Variants in PTP4A1 observed in about 807,000 individuals in gnomAD.
PTP4A1 encodes the protein protein tyrosine phosphatase 4A1.
Under a neutral mutation model 20.5 loss-of-function variants are expected in PTP4A1, and 9 were observed. That is an observed-to-expected ratio of 0.44 (90% CI 0.26 to 0.77). PTP4A1 has a LOEUF of 0.77. Ranked by LOEUF, PTP4A1 falls within the 30% of genes least tolerant of loss-of-function variation. The probability of loss-of-function intolerance (pLI) is 0.19; values close to 1 mark genes in which losing one functional copy is unlikely to be tolerated. For synonymous variants in PTP4A1, 78 were observed against 67.4 expected (o/e 1.16, Z -0.77); for missense variants, 137 against 218.8 (o/e 0.63, Z 2.36).
At chr6:63,569,366 CCTT>C (rs1304428407), upstream of PTP4A1, among the ~76,000 whole-genome samples, 2 of 152,210 alleles carry the variant, frequency 1.3e-5, no homozygotes, top group African/African-American at 4.8e-5. Context: ...CAGTGATTCT[CCTT>C]CTTCAGCCTC....
chr6:63,535,512 A>G (rs1775679786), intron 2 of PTP4A1, among the ~76,000 whole-genome samples: 1 of 152,228 alleles, frequency 6.6e-6, no homozygotes, highest in African/African-American at 2.4e-5. Flanking sequence ...TCCTTAATTA[A>G]ATGGTGAATA....
intron 3 of PTP4A1, among the ~76,000 whole-genome samples, chr6:63,550,773 C>T (rs993865331): frequency 2.0e-5 from 3 of 151,896 alleles, no homozygotes; most frequent in Admixed American, 2.0e-4. Flanking sequence ...TATAGGCACC[C>T]ACCACCATGC....
chr6:63,580,260 A>C lies in PTP4A1; in HGVS notation c.*86A>C. 9.1e-7 allele frequency: 1 copy of C among 1,094,820 alleles called. No individual in the cohort carries two copies. The highest frequency in any genetic ancestry group is 1.4e-6 in the Non-Finnish European group (1 of 726,066). 67.8% of individuals were successfully genotyped at this position (1,094,820 alleles called of 1,614,324 possible). On this transcript the variant is annotated 3_prime_UTR_variant, in exon 6 of 6. Transcript: ENST00000626021. Reference sequence around the variant, plus strand: ...TATTAGCCAACATGTTGGCTTAGTAAGTCTAATGAAGCTTCCATAGGAGTA... The same window carrying C: ...TATTAGCCAACATGTTGGCTTAGTACGTCTAATGAAGCTTCCATAGGAGTA...
At chr6:63,525,115 T>C (rs1314917506) in intron 1 of PTP4A1, among the ~76,000 whole-genome samples, 2 of 152,344 alleles carry the variant, frequency 1.3e-5, no homozygotes, top group African/African-American at 2.4e-5. Context: ...CAAGGCTGTT[T>C]CAAAGGTGAA....
chr6:63,534,353 G>A (rs1467861105), intron 2 of PTP4A1, among the ~76,000 whole-genome samples: 1 of 151,964 alleles, frequency 6.6e-6, no homozygotes, highest in East Asian at 1.9e-4. Flanking sequence ...TAGGAGCAAT[G>A]GTTCTCTGAG....
In PTP4A1 at chr6:63,579,037, AT is replaced by A. The variant is rs776041470; in HGVS notation, c.329+12del. On this transcript the variant is annotated intron_variant, in intron 4 of 5. Transcript: ENST00000626021. ...GTTGCAGGCCTTGGGAGGTAAATGAATTTATCAATTTGATTCTAGGTAAAAA... is the reference window on the plus strand; with the variant it reads ...GTTGCAGGCCTTGGGAGGTAAATGAATTATCAATTTGATTCTAGGTAAAAA... 6.4e-7 allele frequency: 1 copy of A among 1,563,520 alleles called. No homozygotes were observed. Among genetic ancestry groups the A allele is most frequent in the South Asian group, 1.2e-5 (1 of 81,472 alleles).
chr6:63,563,200 C>T (rs1744156), intron 3 of PTP4A1, among the ~76,000 whole-genome samples: 19,696 of 152,154 alleles, frequency 0.13, 1,588 homozygotes, highest in African/African-American at 0.22. Flanking sequence ...AAAAACAATT[C>T]TCTTAAAACA....
intron 3 of PTP4A1, among the ~76,000 whole-genome samples, chr6:63,561,160 GA>G (rs1231916093): frequency 6.6e-6 from 1 of 152,182 alleles, no homozygotes; most frequent in Non-Finnish European, 1.5e-5. Flanking sequence ...CAGCCTAACA[GA>G]GTGATGGAAG....
chr6:63,567,909 G>C (rs1352369481), upstream of PTP4A1, among the ~76,000 whole-genome samples: 1 of 152,176 alleles, frequency 6.6e-6, no homozygotes, highest in Non-Finnish European at 1.5e-5. Context: ...GTTAGGGAGA[G>C]GGCTTCTACT....
At chr6:63,523,309 G>C (rs1273288218) in intron 1 of PTP4A1, among the ~76,000 whole-genome samples, 11 of 152,048 alleles carry the variant, frequency 7.2e-5, no homozygotes, top group African/African-American at 2.7e-4. Flanking sequence ...AAGGCGGGCA[G>C]ATCACTTGAG....
rs534371016 is a variant in PTP4A1, at chr6:63,547,486, G to A, written c.-639-2814G>A. Among the ~76,000 whole-genome samples, 16 of 149,052 alleles carry A rather than the reference G, an allele frequency of 1.1e-4. No homozygotes were observed. In the South Asian group the frequency reaches 3.2e-3, roughly 30 times the overall value. On this transcript the variant is annotated intron_variant, in intron 2 of 3. Coordinates refer to the PTP4A1 transcript ENST00000639568. ...ATTACAGGCGTCTGCCACCTCGCCC[G>A]GCCAGGGGGGAATTTTTTTTTTTTT... is the stretch of plus-strand genomic sequence containing the variant.
rs150969361 is a variant in PTP4A1, at chr6:63,541,479, G to A, written c.-639-8821G>A. Among the ~76,000 whole-genome samples, 482 of 152,112 alleles carry A rather than the reference G, an allele frequency of 3.2e-3. 3 individuals are homozygous for A. Among genetic ancestry groups the A allele is most frequent in the Non-Finnish European group, 3.9e-3 (268 of 68,002 alleles). ...GAGACAGGAAAATCGCCTGAACCCC[G>A]GAGGCAGAGGTTGCAGTGAGCCAAG... On this transcript the variant is annotated intron_variant, in intron 2 of 3. Transcript: ENST00000639568.
upstream of PTP4A1, chr6:63,571,273 A>G (rs932381962): frequency 6.6e-6 from 1 of 152,212 alleles, no homozygotes; most frequent in African/African-American, 2.4e-5. Context: ...GTTGCAGGGC[A>G]CTGAAAGAGG....
intron 1 of PTP4A1, among the ~76,000 whole-genome samples, chr6:63,526,803 G>GTATATATATATATATATATATATATATA (rs376671990): frequency 9.9e-6 from 1 of 101,440 alleles, no homozygotes; most frequent in African/African-American, 4.4e-5. Flanking sequence ...TCTCAAAAAT[G>GTATATATATATATATATATATATATATA]TATATATATA....
intron 1 of PTP4A1, among the ~76,000 whole-genome samples, chr6:63,526,777 A>G (rs1165161176): frequency 6.9e-6 from 1 of 145,474 alleles, no homozygotes; most frequent in Admixed American, 7.0e-5. Flanking sequence ...CCAACCTGCG[A>G]CAGAGCAAGA....
At chr6:63,524,357 T>C (rs1002205380) in intron 1 of PTP4A1, among the ~76,000 whole-genome samples, 4 of 152,188 alleles carry the variant, frequency 2.6e-5, no homozygotes, top group Admixed American at 2.0e-4. Flanking sequence ...CATATTTGTA[T>C]GAAAAAATTA....
chr6:63,535,815 T>C (rs951504715), intron 2 of PTP4A1, among the ~76,000 whole-genome samples: 2 of 152,160 alleles, frequency 1.3e-5, no homozygotes, highest in African/African-American at 2.4e-5. Context: ...CGATGGCTCA[T>C]GTTAAGTCCA....
intron 2 of PTP4A1, among the ~76,000 whole-genome samples, chr6:63,547,954 T>C (rs1274343690): frequency 6.6e-6 from 1 of 152,202 alleles, no homozygotes; most frequent in Non-Finnish European, 1.5e-5. Context: ...CCCCATTATC[T>C]CACCATTTCA....
At chr6:63,542,055 GTGTGTGTA>G (rs1469750474) in intron 2 of PTP4A1, among the ~76,000 whole-genome samples, 107 of 145,342 alleles carry the variant, frequency 7.4e-4, no homozygotes, top group African/African-American at 2.7e-3. Context: ...GTGTGTGTGT[GTGTGTGTA>G]TACATACACA....
Sources: allele counts gnomAD v4.1 joint callset (sites outside exome capture counted in the v4.1 genomes callset), GRCh38; gene constraint gnomAD v4.1.1; transcripts MANE v1.5; gene names NCBI Gene and HGNC (gene_info 2026-07-23, HGNC 2026-07-21).